TAFA4: variants seen among roughly 807,000 people sequenced by gnomAD.
TAFA4 encodes TAFA chemokine like family member 4.
Under a neutral mutation model 21.1 loss-of-function variants are expected in TAFA4, and 20 were observed. The ratio of observed to expected loss-of-function variants is 0.95; its 90% CI spans 0.67 to 1.38. The LOEUF (loss-of-function observed/expected upper bound fraction) is 1.38. Ranked by LOEUF, TAFA4 falls within the 40% of genes most tolerant of loss-of-function variation. The probability of loss-of-function intolerance (pLI) is 0.00; values close to 1 mark genes in which losing one functional copy is unlikely to be tolerated. For missense variants in TAFA4, 211 were observed against 180.9 expected, an observed-to-expected ratio of 1.17 and a Z score of -0.95; for synonymous variants, 71 against 67.4, an observed-to-expected ratio of 1.05 and a Z score of -0.26.
chr3:68,768,228 C>T (rs1277157520), intron 3 of TAFA4, among the ~76,000 whole-genome samples: 1 of 151,934 alleles, frequency 6.6e-6, no homozygotes, highest in Non-Finnish European at 1.5e-5. Context: ...GGGGTAAGAT[C>T]CAGAATATAT....
At chr3:68,880,605 T>C in intron 3 of TAFA4, 125 bp downstream of exon 3, 2 of 703,116 alleles carry the variant, frequency 2.8e-6, no homozygotes, top group Middle Eastern at 2.7e-4. Context: ...CCATATTTCA[T>C]GCTTCCTCTA....
intron 1 of TAFA4, among the ~76,000 whole-genome samples, chr3:68,919,655 A>T (rs778773518): frequency 6.6e-6 from 1 of 152,214 alleles, no homozygotes; most frequent in African/African-American, 2.4e-5. Context: ...CAAAAGTGAC[A>T]TGTTGCTTAG....
In TAFA4 at chr3:68,815,377, G is replaced by A. The variant is rs561728634; in HGVS notation, c.131-62359C>T. Among the ~76,000 whole-genome samples, 74 of 152,182 alleles carry A rather than the reference G, an allele frequency of 4.9e-4. No individual in the cohort carries two copies. The East Asian group carries it at 9.3e-3, about 19-fold the overall frequency. ...AAACTACCATCAGAGTGAACAGGCA[G>A]CGTACAGAATGGGAGAAAATTTTTG... On this transcript the variant is annotated intron_variant, in intron 3 of 5. Coordinates refer to ENST00000295569, the MANE Select transcript of TAFA4 (RefSeq NM_182522.5).
intron 3 of TAFA4, among the ~76,000 whole-genome samples, chr3:68,770,853 G>C (rs889076094): frequency 6.6e-6 from 1 of 152,170 alleles, no homozygotes; most frequent in East Asian, 1.9e-4. Context: ...ATGAAGACAG[G>C]CATTTCTGTT....
intron 1 of TAFA4, among the ~76,000 whole-genome samples, chr3:68,893,291 T>A (rs1386180067): frequency 6.6e-6 from 1 of 152,206 alleles, no homozygotes; most frequent in East Asian, 1.9e-4. Flanking sequence ...TTGTAAACAT[T>A]AAATAATAGG....
intron 1 of TAFA4, among the ~76,000 whole-genome samples, chr3:68,900,228 C>T (rs1008968143): frequency 4.1e-5 from 6 of 145,894 alleles, no homozygotes; most frequent in African/African-American, 1.3e-4. Context: ...GGTGACAGAG[C>T]GAGACTCTCT....
rs576766223 is a variant in TAFA4, at chr3:68,774,966, A to C, written c.131-21948T>G. On this transcript the variant is annotated intron_variant, in intron 3 of 5. Coordinates refer to ENST00000295569, the MANE Select transcript of TAFA4 (RefSeq NM_182522.5). ...CAAAAAAGAAAGCTATTCCCATCAT[A>C]ACAACAAAGGCTAGATAATGTACAA... Among the ~76,000 whole-genome samples the C allele has an allele frequency of 3.3e-5, 5 of 152,328 alleles. No homozygotes were observed. The South Asian group carries it at 8.3e-4, about 25-fold the overall frequency.
At chr3:68,755,367 T>C (rs1042624473) in intron 3 of TAFA4, among the ~76,000 whole-genome samples, 5 of 152,196 alleles carry the variant, frequency 3.3e-5, no homozygotes, top group African/African-American at 1.2e-4. Context: ...AGAGTGAATG[T>C]AGCTAACCAT....
At chr3:68,748,170 T>C (rs2106745162) in intron 4 of TAFA4, among the ~76,000 whole-genome samples, 1 of 152,340 alleles carries the variant, frequency 6.6e-6, no homozygotes, top group East Asian at 1.9e-4. Context: ...CCATCTGGCA[T>C]CTAGGGCAGG....
intron 1 of TAFA4, among the ~76,000 whole-genome samples, chr3:68,890,046 G>A (rs1473177118): frequency 6.6e-6 from 1 of 152,080 alleles, no homozygotes; most frequent in East Asian, 1.9e-4. Flanking sequence ...TCCTCATACT[G>A]TAGTTAAGAA....
At chr3:68,914,779 G>A (rs553169221) in intron 1 of TAFA4, among the ~76,000 whole-genome samples, 3 of 152,236 alleles carry the variant, frequency 2.0e-5, no homozygotes, top group African/African-American at 7.2e-5. Context: ...AACAAACTTT[G>A]TCCATGGGCC....
At chr3:68,779,117 C>G (rs911950622) in intron 3 of TAFA4, among the ~76,000 whole-genome samples, 11 of 152,190 alleles carry the variant, frequency 7.2e-5, no homozygotes, top group Non-Finnish European at 1.6e-4. Context: ...AGAGTGGCAG[C>G]ATTTTGCCCT....
intron 3 of TAFA4, among the ~76,000 whole-genome samples, chr3:68,771,866 G>C (rs1032166316): frequency 2.6e-5 from 4 of 152,206 alleles, no homozygotes; most frequent in Admixed American, 2.6e-4. Flanking sequence ...TACATCATTT[G>C]TAGTAGCTGG....
intron 4 of TAFA4, among the ~76,000 whole-genome samples, chr3:68,745,285 A>C (rs1702436520): frequency 6.6e-6 from 1 of 152,258 alleles, no homozygotes; most frequent in African/African-American, 2.4e-5. Context: ...GTTACTGGTG[A>C]GAACATCTGC....
rs576691037 is a variant in TAFA4 at position 68,808,843 on chromosome 3, A to T, written c.131-55825T>A. On this transcript the variant is annotated intron_variant, in intron 3 of 5. Coordinates refer to ENST00000295569, the MANE Select transcript of TAFA4 (RefSeq NM_182522.5). ...TAATGTCAAATGTCTACTGAAAATGAGCCATGTTTCTGGCTCCATGTCATC... is the reference window on the plus strand; with the variant it reads ...TAATGTCAAATGTCTACTGAAAATGTGCCATGTTTCTGGCTCCATGTCATC... Among the ~76,000 whole-genome samples the T allele has an allele frequency of 3.3e-5, 5 of 152,360 alleles. No homozygotes were observed. In the East Asian group the frequency reaches 9.6e-4, roughly 29 times the overall value.
chr3:68,791,846 A>C (rs1368063446), intron 3 of TAFA4, among the ~76,000 whole-genome samples: 2 of 152,344 alleles, frequency 1.3e-5, no homozygotes, highest in South Asian at 4.1e-4. Context: ...CTTTTGTTAG[A>C]AACTAGAAAT....
At chr3:68,783,709 A>AG (rs1559519717) in intron 3 of TAFA4, among the ~76,000 whole-genome samples, 231 of 71,042 alleles carry the variant, frequency 3.3e-3, no homozygotes, top group South Asian at 6.1e-3. Context: ...GAGAGAGAGA[A>AG]AGAAAAAGAA....
At chr3:68,753,073 C>G (rs1702588769) in intron 3 of TAFA4, 55 bp from the exon 4 acceptor site, 7 of 1,533,448 alleles carry the variant, frequency 4.6e-6, no homozygotes, top group Non-Finnish European at 4.5e-6. Flanking sequence ...GGAAATGACA[C>G]CACCAAAACC....
At chr3:68,798,477 T>A (rs1216318577) in intron 3 of TAFA4, among the ~76,000 whole-genome samples, 1 of 152,162 alleles carries the variant, frequency 6.6e-6, no homozygotes, top group Non-Finnish European at 1.5e-5. Context: ...TAGAAATGTA[T>A]CTGGAATCTG....
Sources: gnomAD v4.1 joint callset for allele counts (sites outside exome capture counted in the v4.1 genomes callset) on GRCh38, gnomAD v4.1.1 for gene constraint, MANE v1.5 for transcripts, NCBI Gene and HGNC (gene_info 2026-07-23, HGNC 2026-07-21) for gene names.